The following AIF1L variants were observed in gnomAD, a reference collection of about 807,000 sequenced individuals.
The protein encoded by AIF1L is allograft inflammatory factor 1 like.
In AIF1L, 12 loss-of-function variants were observed where a neutral mutation model predicts 20.7. The observed-to-expected ratio is 0.58, with a 90% CI of 0.37 to 0.94. The LOEUF (loss-of-function observed/expected upper bound fraction) is 0.94. Among genes scored for constraint, AIF1L ranks in the 40% least tolerant of loss-of-function variants. The pLI is 0.01. For synonymous variants in AIF1L, 76 were observed against 65.1 expected, an observed-to-expected ratio of 1.17 and a Z score of -0.81; for missense variants, 173 against 185.3, an observed-to-expected ratio of 0.93 and a Z score of 0.39.
At chr9:131,109,861 G>A (rs1830836851) in intron 2 of AIF1L, among the ~76,000 whole-genome samples, 1 of 152,166 alleles carries the variant, frequency 6.6e-6, no homozygotes, top group Non-Finnish European at 1.5e-5. Context: ...ATGGAGCCGA[G>A]TTGAAGCTCT....
chr9:131,096,895 C>T (rs1050655412), intron 2 of AIF1L, 32 bp downstream of exon 2: 4 of 1,507,562 alleles, frequency 2.7e-6, no homozygotes, highest in Non-Finnish European at 3.5e-6. Flanking sequence ...GCACGCGAGT[C>T]CCGAGCCGCG....
chr9:131,096,937 G>A (rs1455955290), intron 2 of AIF1L, 74 bp downstream of exon 2: 1 of 1,429,778 alleles, frequency 7.0e-7, no homozygotes, highest in African/African-American at 1.5e-5. Context: ...CCTTCCGCGA[G>A]GCCGTGCCCG....
chr9:131,110,897 C>T (rs1384680087), intron 2 of AIF1L, among the ~76,000 whole-genome samples: 2 of 151,760 alleles, frequency 1.3e-5, no homozygotes, highest in Non-Finnish European at 2.9e-5. Flanking sequence ...CGCGGTGGCT[C>T]ACACCTGTAA....
At chr9:131,101,348 A>G (rs1227344947) in intron 2 of AIF1L, among the ~76,000 whole-genome samples, 1 of 151,780 alleles carries the variant, frequency 6.6e-6, no homozygotes, top group African/African-American at 2.4e-5. Flanking sequence ...AAGGATTATC[A>G]TGACTCCTTT....
chr9:131,120,377 C>G lies in AIF1L; in HGVS notation c.*55C>G. On this transcript the variant is annotated 3_prime_UTR_variant, in exon 6 of 6. Coordinates refer to ENST00000247291, the MANE Select transcript of AIF1L (RefSeq NM_031426.4). ...ACCCCATACCTCCCTCCCGATCTTGCTGCCCTTCTTGACACACTGTGATCT... is the reference window on the plus strand; with the variant it reads ...ACCCCATACCTCCCTCCCGATCTTGGTGCCCTTCTTGACACACTGTGATCT... 1 of 1,340,922 alleles carries G rather than the reference C, an allele frequency of 7.5e-7. No homozygotes were observed. Among genetic ancestry groups the G allele is most frequent in the Non-Finnish European group, 1.0e-6 (1 of 984,080 alleles). The allele number at this position is 1,340,922 out of a possible 1,614,324, so 83.1% of individuals were successfully genotyped here.
chr9:131,120,367 C>T lies in AIF1L; in HGVS notation c.*45C>T. On this transcript the variant is annotated 3_prime_UTR_variant, in exon 6 of 6. Coordinates refer to ENST00000247291, the MANE Select transcript of AIF1L (RefSeq NM_031426.4). ...CAGCCTTCCCACCCCATACCTCCCT[C>T]CCGATCTTGCTGCCCTTCTTGACAC... 1 of 1,462,322 alleles carries T rather than the reference C, an allele frequency of 6.8e-7. No individual in the cohort carries two copies. The highest frequency in any genetic ancestry group is 9.4e-7 in the Non-Finnish European group (1 of 1,067,350). 90.6% of individuals were successfully genotyped at this position (1,462,322 alleles called of 1,614,324 possible). A position where few individuals can be genotyped will look rare whatever the true frequency, so the allele number is the denominator to read the frequency against.
chr9:131,114,721 T>C, intron 4 of AIF1L, 103 bp downstream of exon 4: 1 of 1,455,520 alleles, frequency 6.9e-7, no homozygotes, highest in East Asian at 2.3e-5. Flanking sequence ...TCCGGAAGGC[T>C]GGTGAATATG....
intron 2 of AIF1L, among the ~76,000 whole-genome samples, chr9:131,105,121 G>A (rs1158604964): frequency 6.6e-6 from 1 of 152,162 alleles, no homozygotes; most frequent in African/African-American, 2.4e-5. Context: ...ATGCCTGCAG[G>A]GAGGGAGCTG....
intron 2 of AIF1L, among the ~76,000 whole-genome samples, chr9:131,109,394 A>G (rs1272909112): frequency 6.6e-6 from 1 of 152,078 alleles, no homozygotes; most frequent in Non-Finnish European, 1.5e-5. Context: ...TCCCGTCTCT[A>G]CTAAAAATAC....
chr9:131,117,452 G>A (rs969771784), intron 4 of AIF1L, among the ~76,000 whole-genome samples: 5 of 152,088 alleles, frequency 3.3e-5, no homozygotes, highest in East Asian at 1.9e-4. Context: ...CCATCCACCC[G>A]TTCCACCGTT....
In AIF1L at chr9:131,106,198, G is replaced by T. The variant is rs1226872588; in HGVS notation, c.94-5399G>T. The stretch of plus-strand genomic sequence containing the variant: ...CCACTTCCTCCTCAGTACTGTGCAG[G>T]GAGGGAGCCGCAGCTACAGAGGATT... On this transcript the variant is annotated intron_variant, in intron 2 of 5. Coordinates refer to ENST00000247291, the MANE Select transcript of AIF1L (RefSeq NM_031426.4). 4.6e-6 allele frequency: 7 copies of T among 1,535,594 alleles called. No individual in the cohort carries two copies. In the Admixed American group the frequency reaches 1.4e-4, roughly 30 times the overall value.
At chr9:131,100,015 C>A (rs1339555271) in intron 2 of AIF1L, among the ~76,000 whole-genome samples, 1 of 152,010 alleles carries the variant, frequency 6.6e-6, no homozygotes, top group Non-Finnish European at 1.5e-5. Flanking sequence ...GCGTGAGCCA[C>A]CCCACCCCGC....
chr9:131,121,479 A>C lies in AIF1L; in HGVS notation c.*1157A>C. ...GGACTCGCAGGATTTTAGAACCCTA[A>C]TGCACCCTGGAGGGTAGCTGGGCCA... On this transcript the variant is annotated 3_prime_UTR_variant, in exon 6 of 6. Transcript: ENST00000247291. 5.0e-6 allele frequency: 1 copy of C among 199,572 alleles called. No homozygotes were observed. The highest frequency in any genetic ancestry group is 1.0e-5 in the Non-Finnish European group (1 of 98,654). The allele number at this position is 199,572 out of a possible 1,614,324, so 12.4% of individuals were successfully genotyped here. A position where few individuals can be genotyped will look rare whatever the true frequency, so the allele number is the denominator to read the frequency against.
chr9:131,099,802 C>T (rs1830598613), intron 2 of AIF1L, among the ~76,000 whole-genome samples: 1 of 146,678 alleles, frequency 6.8e-6, no homozygotes, highest in African/African-American at 2.5e-5. Context: ...TCTCAGTTCA[C>T]TGCAACCTCC....
At position 131,122,827 on chromosome 9, in the gene AIF1L, A is replaced by G. The variant is rs1831171514; in HGVS notation, c.*2505A>G. ...TTCTTGAGACTCAACTCCTGGGAGG[A>G]GAGGGTCTCAAGAGTTGTCCCTGGA... On this transcript the variant is annotated 3_prime_UTR_variant, in exon 6 of 6. Coordinates refer to ENST00000247291, the MANE Select transcript of AIF1L (RefSeq NM_031426.4). 1 of 152,152 alleles carries G rather than the reference A, an allele frequency of 6.6e-6. No individual in the cohort carries two copies. Among genetic ancestry groups the G allele is most frequent in the Non-Finnish European group, 1.5e-5 (1 of 68,058 alleles). The allele number at this position is 152,152 out of a possible 1,614,324, so 9.4% of individuals were successfully genotyped here. A position where few individuals can be genotyped will look rare whatever the true frequency, so the allele number is the denominator to read the frequency against.
chr9:131,114,563 T>C lies in AIF1L; in HGVS notation c.161-14T>C, dbSNP rs769922264. On this transcript the variant is annotated splice_polypyrimidine_tract_variant and intron_variant, in intron 3 of 5. Transcript: ENST00000247291. ...CTTCCAAACTAATGCTAGTTTTTGC[T>C]CTGTGATTTCCAGAGAAGTACATGG... The C allele has an allele frequency of 1.2e-6, 2 of 1,613,856 alleles. No individual in the cohort carries two copies. The highest frequency in any genetic ancestry group is 1.3e-5 in the African/African-American group (1 of 74,912).
At position 131,096,561 on chromosome 9, in the gene AIF1L, G is replaced by C. The variant is rs938752933; in HGVS notation, c.-69G>C. On this transcript the variant is annotated 5_prime_UTR_variant, in exon 1 of 6. Coordinates refer to ENST00000247291, the MANE Select transcript of AIF1L (RefSeq NM_031426.4). ...CAGCTAGCCGGAGCCCGGACCAGGC[G>C]CCTGTGCCTCCTCCTCGTCCCTCGC... 6 of 1,473,306 alleles carry C rather than the reference G, an allele frequency of 4.1e-6. No homozygotes were observed. Among genetic ancestry groups the C allele is most frequent in the Non-Finnish European group, 5.4e-6 (6 of 1,119,034 alleles). The allele number at this position is 1,473,306 out of a possible 1,614,324, so 91.3% of individuals were successfully genotyped here.
chr9:131,108,216 T>G (rs1830793998), intron 2 of AIF1L: 1 of 149,096 alleles, frequency 6.7e-6, no homozygotes, highest in African/African-American at 2.5e-5. Flanking sequence ...TTTTTTTTTT[T>G]TTTTTTTGAG....
intron 2 of AIF1L, among the ~76,000 whole-genome samples, chr9:131,097,440 G>A (rs529310156): frequency 1.1e-4 from 16 of 151,864 alleles, no homozygotes; most frequent in African/African-American, 3.9e-4. Flanking sequence ...TCTGATGGGC[G>A]TAGAGATCCT....
Sources: gnomAD v4.1 joint callset for allele counts (sites outside exome capture counted in the v4.1 genomes callset) on GRCh38, gnomAD v4.1.1 for gene constraint, MANE v1.5 for transcripts, NCBI Gene and HGNC (gene_info 2026-07-23, HGNC 2026-07-21) for gene names.